Variants in SDK1 observed in about 807,000 individuals in gnomAD.
The protein encoded by SDK1 is sidekick cell adhesion molecule 1.
SDK1 carries 157 observed loss-of-function variants against 245.5 expected under a neutral mutation model. The observed-to-expected ratio is 0.64, with a 90% confidence interval of 0.56 to 0.73. The LOEUF (loss-of-function observed/expected upper bound fraction) is 0.73, where lower values mean the gene tolerates loss of function less well. Ranked by LOEUF, SDK1 falls within the 30% of genes least tolerant of loss-of-function variation. SDK1 has a pLI of 0.00. For missense variants in SDK1, 3,583 were observed against 3,002.3 expected, an observed-to-expected ratio of 1.19 and a Z score of -4.52; for synonymous variants, 1,647 against 1,278.5, an observed-to-expected ratio of 1.29 and a Z score of -6.15.
intron 4 of SDK1, among the ~76,000 whole-genome samples, chr7:3,693,595 G>A (rs1285414385): frequency 2.0e-5 from 3 of 151,968 alleles, no homozygotes; most frequent in Non-Finnish European, 4.4e-5. Flanking sequence ...TGTGTGGCTA[G>A]ATATTTTATA....
chr7:3,804,530 A>C (rs1779192242), intron 4 of SDK1, among the ~76,000 whole-genome samples: 1 of 152,114 alleles, frequency 6.6e-6, no homozygotes, highest in South Asian at 2.1e-4. Context: ...TTCTTTTTCA[A>C]AATTGTTTTT....
intron 1 of SDK1, among the ~76,000 whole-genome samples, chr7:3,527,820 T>A (rs533300432): frequency 6.7e-6 from 1 of 148,924 alleles, no homozygotes; most frequent in Non-Finnish European, 1.5e-5. Context: ...GGAGGTAAGG[T>A]TGGATGATAG....
intron 8 of SDK1, among the ~76,000 whole-genome samples, chr7:3,960,898 T>C (rs1286978054): frequency 6.6e-6 from 1 of 152,268 alleles, no homozygotes; most frequent in Non-Finnish European, 1.5e-5. Flanking sequence ...AGCGAGCTTA[T>C]ATTTCAGAAA....
chr7:3,400,447 C>T (rs1282425258), intron 1 of SDK1, among the ~76,000 whole-genome samples: 2 of 152,102 alleles, frequency 1.3e-5, no homozygotes, highest in Non-Finnish European at 2.9e-5. Flanking sequence ...ATTTTTATAA[C>T]AAGTGAAAAA....
At chr7:3,740,211 T>C (rs182101698) in intron 4 of SDK1, among the ~76,000 whole-genome samples, 1 of 152,286 alleles carries the variant, frequency 6.6e-6, no homozygotes, top group East Asian at 1.9e-4. Context: ...CGTCAAATTG[T>C]ATGTCAGTCT....
intron 1 of SDK1, among the ~76,000 whole-genome samples, chr7:3,538,867 A>G (rs1056048538): frequency 6.6e-6 from 1 of 152,208 alleles, no homozygotes; most frequent in Non-Finnish European, 1.5e-5. Flanking sequence ...CCAAAAGCAC[A>G]CTTATGCTGT....
Position 4,174,364 on chromosome 7 carries a change from C to G in SDK1, c.4936+7C>G. On this transcript the variant is annotated splice_region_variant and intron_variant, in intron 33 of 44. Transcript: ENST00000404826. The stretch of plus-strand genomic sequence containing the variant: ...TTACATGCTGAGCTCACAGGTGAGA[C>G]TGTCCCCTCTGTCCTGGTACAGGGA... 6.2e-7 allele frequency: 1 copy of G among 1,613,440 alleles called. No individual in the cohort carries two copies. Among genetic ancestry groups the G allele is most frequent in the Non-Finnish European group, 8.5e-7 (1 of 1,179,536 alleles).
At chr7:3,385,098 A>G (rs1781577848) in intron 1 of SDK1, among the ~76,000 whole-genome samples, 1 of 152,148 alleles carries the variant, frequency 6.6e-6, no homozygotes, top group Non-Finnish European at 1.5e-5. Flanking sequence ...GAGGGAAAAG[A>G]CCCTGAATTT....
chr7:3,570,174 T>G (rs1363200405), intron 1 of SDK1, among the ~76,000 whole-genome samples: 1 of 152,150 alleles, frequency 6.6e-6, no homozygotes, highest in African/African-American at 2.4e-5. Context: ...ACTCAACCTT[T>G]TTGGCATCAG....
At chr7:4,061,988 G>C (rs1164533613) in intron 19 of SDK1, among the ~76,000 whole-genome samples, 5 of 113,298 alleles carry the variant, frequency 4.4e-5, no homozygotes, top group Admixed American at 1.1e-4. Flanking sequence ...GTTGTGGGGT[G>C]GGGGGAGGGG....
At chr7:3,788,387 G>C (rs1341927729) in intron 4 of SDK1, among the ~76,000 whole-genome samples, 4 of 152,164 alleles carry the variant, frequency 2.6e-5, no homozygotes, top group Admixed American at 6.5e-5. Context: ...TCTAGCTTCT[G>C]CCAGGCCGGA....
rs549116893 is a variant in SDK1, at chr7:4,137,909, C to T, written c.4228+5486C>T. 4.6e-5 allele frequency among the ~76,000 whole-genome samples: 7 copies of T among 152,304 alleles called. No individual in the cohort carries two copies. In the South Asian group the frequency reaches 1.0e-3, roughly 23 times the overall value. On this transcript the variant is annotated intron_variant, in intron 28 of 44. Coordinates refer to ENST00000404826, the MANE Select transcript of SDK1 (RefSeq NM_152744.4). Reference sequence around the variant, plus strand: ...ATGCAAGGACTGCTACTCAGCTGCTCCTTTGTGCCATTTATGTACAGAAAA... The same window carrying T: ...ATGCAAGGACTGCTACTCAGCTGCTTCTTTGTGCCATTTATGTACAGAAAA...
intron 32 of SDK1, among the ~76,000 whole-genome samples, chr7:4,170,233 G>C (rs1159854971): frequency 1.3e-5 from 2 of 152,158 alleles, no homozygotes; most frequent in Non-Finnish European, 2.9e-5. Flanking sequence ...GATCACCTAA[G>C]CCCAGTAGTT....
chr7:3,949,732 G>A (rs1780722494), intron 5 of SDK1, among the ~76,000 whole-genome samples: 1 of 152,116 alleles, frequency 6.6e-6, no homozygotes, highest in African/African-American at 2.4e-5. Flanking sequence ...GAGAAAAGCG[G>A]CAAAAAATAT....
chr7:4,242,848 C>G (rs999659456), intron 43 of SDK1, among the ~76,000 whole-genome samples: 1 of 152,226 alleles, frequency 6.6e-6, no homozygotes, highest in Non-Finnish European at 1.5e-5. Context: ...CCGCCCTCCA[C>G]TGAATTTGGG....
chr7:3,820,306 C>G (rs528351931), intron 4 of SDK1, among the ~76,000 whole-genome samples: 1 of 152,080 alleles, frequency 6.6e-6, no homozygotes, highest in Non-Finnish European at 1.5e-5. Flanking sequence ...TGTGCCACCA[C>G]GCCGAACTAA....
chr7:3,491,479 T>A (rs1216479712), intron 1 of SDK1, among the ~76,000 whole-genome samples: 1 of 152,248 alleles, frequency 6.6e-6, no homozygotes, highest in Non-Finnish European at 1.5e-5. Flanking sequence ...TACAGAAATA[T>A]GTCGTTGAAT....
intron 4 of SDK1, among the ~76,000 whole-genome samples, chr7:3,692,802 T>G (rs1274822859): frequency 6.6e-6 from 1 of 152,146 alleles, no homozygotes; most frequent in African/African-American, 2.4e-5. Flanking sequence ...TCGCATCGAT[T>G]TATACATGCC....
chr7:3,835,984 C>T (rs556925940), intron 5 of SDK1, among the ~76,000 whole-genome samples: 1 of 152,306 alleles, frequency 6.6e-6, no homozygotes, highest in South Asian at 2.1e-4. Context: ...AAAGACTTCA[C>T]AATAGCTCTT....
Sources: allele counts gnomAD v4.1 joint callset (sites outside exome capture counted in the v4.1 genomes callset), GRCh38; gene constraint gnomAD v4.1.1; transcripts MANE v1.5; gene names NCBI Gene and HGNC (gene_info 2026-07-23, HGNC 2026-07-21).